Variants in AQR observed in about 807,000 individuals in gnomAD.
The protein encoded by AQR is aquarius intron-binding spliceosomal factor.
In AQR, 61 loss-of-function variants were observed where a neutral mutation model predicts 180.5. The ratio of observed to expected loss-of-function variants is 0.34; its 90% CI spans 0.28 to 0.42. The LOEUF (loss-of-function observed/expected upper bound fraction) is 0.42. AQR is among the 10% of genes least tolerant of loss of function. The pLI is 1.00. For synonymous variants in AQR, 551 were observed against 588.8 expected, an observed-to-expected ratio of 0.94 and a Z score of 0.93; for missense variants, 1,281 against 1,798.3, an observed-to-expected ratio of 0.71 and a Z score of 5.20.
chr15:34,892,812 T>G (rs1373566050), intron 23 of AQR, among the ~76,000 whole-genome samples: 2 of 152,194 alleles, frequency 1.3e-5, no homozygotes, highest in Non-Finnish European at 2.9e-5. Context: ...ATGTTGACTA[T>G]CTCATATAAT....
In AQR at chr15:34,904,415, G is replaced by A; in HGVS notation, c.1922C>T (p.Thr641Ile). 1 of 1,610,748 alleles carries A rather than the reference G, an allele frequency of 6.2e-7. No homozygotes were observed. The highest frequency in any genetic ancestry group is 8.5e-7 in the Non-Finnish European group (1 of 1,177,670). Residue 641 changes from threonine to isoleucine, a missense_variant, in exon 19 of 35, where the codon ACT becomes ATT. Thr to Ile is a moderately conservative substitution (Grantham distance 89). This residue lies in a region of AQR where 200 missense variants were observed against 293.4 expected (regional missense o/e 0.68). Transcript: ENST00000156471. ...CACATCCTCTGCTCCATTTTGTATA[G>A]TATTGGTCATATCTTGTTGATACTG... ...PNQYQQDMTNTIQNGAEDVYE... is the reference protein window; with the variant it reads ...PNQYQQDMTNIIQNGAEDVYE...
intron 27 of AQR, among the ~76,000 whole-genome samples, chr15:34,879,715 A>G (rs1292811301): frequency 6.6e-6 from 1 of 152,140 alleles, no homozygotes; most frequent in Non-Finnish European, 1.5e-5. Context: ...AGAGGCAATT[A>G]GACTTCCCCA....
intron 2 of AQR, among the ~76,000 whole-genome samples, chr15:34,961,662 CAA>C (rs60598508): frequency 0.048 from 5,367 of 112,690 alleles, 136 homozygotes; most frequent in African/African-American, 0.077. Context: ...CTGTACATCT[CAA>C]AAAAAAAAAA....
intron 12 of AQR, among the ~76,000 whole-genome samples, chr15:34,928,495 C>G (rs913743470): frequency 1.6e-4 from 24 of 152,166 alleles, no homozygotes; most frequent in Non-Finnish European, 8.8e-5. Flanking sequence ...TAACTTCCAG[C>G]TTCATCCGTG....
intron 1 of AQR, among the ~76,000 whole-genome samples, chr15:34,965,782 G>A (rs1289508870): frequency 6.6e-6 from 1 of 152,064 alleles, no homozygotes; most frequent in African/African-American, 2.4e-5. Context: ...TCCTCATTCT[G>A]CTCCCTATGG....
At chr15:34,918,530 T>C (rs1327918612) in intron 14 of AQR, 152 bp from the exon 15 acceptor site, 8 of 855,530 alleles carry the variant, frequency 9.4e-6, no homozygotes, top group African/African-American at 1.7e-5. Flanking sequence ...AGATCAAAGA[T>C]GAGAAACAAA....
intron 3 of AQR, among the ~76,000 whole-genome samples, chr15:34,956,616 C>T (rs1162692609): frequency 6.6e-6 from 1 of 150,562 alleles, no homozygotes; most frequent in Non-Finnish European, 1.5e-5. Flanking sequence ...TGCGCCACTG[C>T]ACTCCAGCCT....
intron 9 of AQR, among the ~76,000 whole-genome samples, chr15:34,938,027 C>T (rs529509917): frequency 2.0e-5 from 3 of 151,806 alleles, no homozygotes; most frequent in Non-Finnish European, 4.4e-5. Context: ...TAGCTCATAT[C>T]TCAGTAATAT....
At chr15:34,877,787 C>G (rs1433261170) in intron 27 of AQR, among the ~76,000 whole-genome samples, 3 of 152,112 alleles carry the variant, frequency 2.0e-5, no homozygotes, top group African/African-American at 7.2e-5. Context: ...ATCATTCATT[C>G]AACCCTTACT....
chr15:34,943,439 T>C (rs768376695), intron 6 of AQR: 1 of 718,592 alleles, frequency 1.4e-6, no homozygotes, highest in South Asian at 2.3e-5. Flanking sequence ...CTTGAGTTTA[T>C]GTTCAAAATA....
At chr15:34,882,840 CT>C (rs1222982613) in intron 26 of AQR, among the ~76,000 whole-genome samples, 4 of 152,008 alleles carry the variant, frequency 2.6e-5, no homozygotes, top group Non-Finnish European at 4.4e-5. Context: ...ATAATTCAAA[CT>C]TTTTTGTATG....
chr15:34,946,657 A>G (rs533016789), intron 5 of AQR, among the ~76,000 whole-genome samples: 1,588 of 97,442 alleles, frequency 0.016, 34 homozygotes, highest in African/African-American at 0.053. Context: ...CCCCTACTGG[A>G]AAGTGAGGAG....
rs1403961824 is a variant in AQR, at chr15:34,862,881, G to T, written c.4015C>A (p.Pro1339Thr). The change falls in exon 33 of 35, where the codon CCA becomes ACA. Residue 1339 changes from proline to threonine, a missense_variant. Around this residue, in one of 9 missense-constraint regions of AQR, gnomAD observed 182 missense variants for 185.3 expected, o/e 0.98. Coordinates refer to ENST00000156471, the MANE Select transcript of AQR (RefSeq NM_014691.3). Reference sequence around the variant, plus strand: ...AGAAGTCCTACCTTTCTAGTAGTTGGGAAAGGTTCTGTTGGAATTATATGC... The same window carrying T: ...AGAAGTCCTACCTTTCTAGTAGTTGTGAAAGGTTCTGTTGGAATTATATGC... ...HLHIIPTEPF[P>T]TTRKNGERPS... 2 of 1,613,554 alleles carry T rather than the reference G, an allele frequency of 1.2e-6. No individual in the cohort carries two copies. The highest frequency in any genetic ancestry group is 2.2e-5 in the East Asian group (1 of 44,862).
chr15:34,930,201 A>T, intron 12 of AQR, 57 bp downstream of exon 12: 5 of 1,055,256 alleles, frequency 4.7e-6, no homozygotes, highest in Non-Finnish European at 7.1e-6. Flanking sequence ...CAAAACCTAA[A>T]TTGCAGTATG....
intron 30 of AQR, among the ~76,000 whole-genome samples, chr15:34,871,732 T>C (rs907732507): frequency 6.6e-6 from 1 of 152,096 alleles, no homozygotes; most frequent in African/African-American, 2.4e-5. Flanking sequence ...TGCGTAATGG[T>C]TGTCACTTCT....
chr15:34,938,144 T>C (rs1384023571), intron 9 of AQR, among the ~76,000 whole-genome samples: 1 of 152,118 alleles, frequency 6.6e-6, no homozygotes, highest in Non-Finnish European at 1.5e-5. Flanking sequence ...TTCACAACTG[T>C]ATCCCAGCAC....
At position 34,896,970 on chromosome 15, in the gene AQR, C is replaced by G. The variant is rs144662451; in HGVS notation, c.2391-4G>C. 6.2e-7 allele frequency: 1 copy of G among 1,608,302 alleles called. No homozygotes were observed. Among genetic ancestry groups the G allele is most frequent in the South Asian group, 1.1e-5 (1 of 90,892 alleles). On this transcript the variant is annotated splice_polypyrimidine_tract_variant and splice_region_variant and intron_variant, in intron 21 of 34. Coordinates refer to ENST00000156471, the MANE Select transcript of AQR (RefSeq NM_014691.3). ...ATGAGTGAACTGAATCGTATTACTG[C>G]AAATAAGAGTAAATAAAAAGTTGGT... is the stretch of plus-strand genomic sequence containing the variant.
At chr15:34,967,156 G>A (rs1441732964) in intron 1 of AQR, among the ~76,000 whole-genome samples, 1 of 150,546 alleles carries the variant, frequency 6.6e-6, no homozygotes, top group Non-Finnish European at 1.5e-5. Context: ...GATTACAGGT[G>A]TAATCCCACT....
chr15:34,895,206 A>G (rs1345927363), intron 22 of AQR, among the ~76,000 whole-genome samples: 1 of 102,838 alleles, frequency 9.7e-6, no homozygotes, highest in African/African-American at 3.5e-5. Context: ...ATATATATAT[A>G]TATATATATA....
Sources: gnomAD v4.1 joint callset for allele counts (sites outside exome capture counted in the v4.1 genomes callset) on GRCh38, gnomAD v4.1.1 for gene constraint, gnomAD v4.1.1 regional missense constraint, MANE v1.5 for transcripts, NCBI Gene and HGNC (gene_info 2026-07-23, HGNC 2026-07-21) for gene names.